The following FOXK1 variants were observed in gnomAD, a reference collection of about 807,000 sequenced individuals.
FOXK1 encodes forkhead box protein K1.
FOXK1 carries 19 observed loss-of-function variants against 51.9 expected under a neutral mutation model. The observed-to-expected ratio is 0.37, with a 90% CI of 0.26 to 0.54. The LOEUF is 0.54. Among genes scored for constraint, FOXK1 ranks in the 20% least tolerant of loss-of-function variants. The pLI is 0.87. For synonymous variants in FOXK1, 537 were observed against 482.6 expected, an observed-to-expected ratio of 1.11 and a Z score of -1.48; for missense variants, 870 against 1,032.7, an observed-to-expected ratio of 0.84 and a Z score of 2.16.
chr7:4,715,633 T>C lies in FOXK1; in HGVS notation c.561-25205T>C, dbSNP rs753852485. Among the ~76,000 whole-genome samples, 1 of 152,208 alleles carries C rather than the reference T, an allele frequency of 6.6e-6. No homozygotes were observed. The highest frequency in any genetic ancestry group is 1.5e-5 in the Non-Finnish European group (1 of 68,038). Reference sequence around the variant, plus strand: ...TGAAATACGGAACTTGGCGAGTTCTTGCGGCCATCCCTTTTGTTCCCTGCT... The same window carrying C: ...TGAAATACGGAACTTGGCGAGTTCTCGCGGCCATCCCTTTTGTTCCCTGCT... On this transcript the variant is annotated intron_variant, in intron 1 of 8. Transcript: ENST00000328914. The surrounding 1 kb of genome is among the most constrained non-coding windows in gnomAD (Gnocchi z 4.5).
At chr7:4,718,305 G>A (rs1287197353) in intron 1 of FOXK1, among the ~76,000 whole-genome samples, 3 of 152,192 alleles carry the variant, frequency 2.0e-5, no homozygotes, top group Non-Finnish European at 2.9e-5. Flanking sequence ...TGGCGGCCAC[G>A]CAGCCATTGT....
intron 1 of FOXK1, among the ~76,000 whole-genome samples, chr7:4,691,155 C>A (rs1779886455): frequency 6.6e-6 from 1 of 152,298 alleles, no homozygotes; most frequent in African/African-American, 2.4e-5. Flanking sequence ...AACCAGGGTT[C>A]AAGAACTCGC....
chr7:4,731,061 C>G lies in FOXK1; in HGVS notation c.561-9777C>G, dbSNP rs1288085173. ...TTTCTCGGAGGAGTTTAAGCAAACACTGCAGGGCCTCCGGCATTCCAGTTT... is the reference window on the plus strand; with the variant it reads ...TTTCTCGGAGGAGTTTAAGCAAACAGTGCAGGGCCTCCGGCATTCCAGTTT... On this transcript the variant is annotated intron_variant, in intron 1 of 8. Transcript: ENST00000328914. The surrounding 1 kb of genome is among the most constrained non-coding windows in gnomAD (Gnocchi z 5.3). Among the ~76,000 whole-genome samples the G allele has an allele frequency of 1.3e-5, 2 of 152,310 alleles. No individual in the cohort carries two copies. The highest frequency in any genetic ancestry group is 1.9e-4 in the East Asian group (1 of 5,172).
In FOXK1 at chr7:4,735,482, C is replaced by T. The variant is rs1438899911; in HGVS notation, c.561-5356C>T. 6.6e-6 allele frequency among the ~76,000 whole-genome samples: 1 copy of T among 152,148 alleles called. No individual in the cohort carries two copies. On this transcript the variant is annotated intron_variant, in intron 1 of 8. Coordinates refer to ENST00000328914, the MANE Select transcript of FOXK1 (RefSeq NM_001037165.2). This position sits in a 1 kb window ranked among gnomAD's most constrained non-coding sequence, Gnocchi z 4.7. The stretch of plus-strand genomic sequence containing the variant: ...ACATTTTCCTGACTCTAGAAAGAAC[C>T]CCCTAGCTCTTAGTCATTCTCCGTC...
rs146368700 is a variant in FOXK1 at position 4,721,572 on chromosome 7, T to C, written c.561-19266T>C. On this transcript the variant is annotated intron_variant, in intron 1 of 8. Transcript: ENST00000328914. ...GCAGCCTAAGAAGGACTTTTCTCTT[T>C]TCTTTTTCTTTTTTTTCTTTTTTTT... Among the ~76,000 whole-genome samples the C allele has an allele frequency of 1.4e-3, 209 of 149,146 alleles. 1 individual carries two copies. The highest frequency in any genetic ancestry group is 5.2e-3 in the African/African-American group (205 of 39,514).
chr7:4,686,994 G>A (rs1299707434), intron 1 of FOXK1, among the ~76,000 whole-genome samples: 2 of 150,658 alleles, frequency 1.3e-5, no homozygotes, highest in Non-Finnish European at 2.9e-5. Flanking sequence ...GTGCAGTGGC[G>A]CGAACTTGGC....
Position 4,683,130 on chromosome 7 carries a change from T to G in FOXK1, c.560+262T>G, listed in dbSNP as rs1464185784. 6.7e-6 allele frequency among the ~76,000 whole-genome samples: 1 copy of G among 149,272 alleles called. No homozygotes were observed. The highest frequency in any genetic ancestry group is 1.5e-5 in the Non-Finnish European group (1 of 67,316). On this transcript the variant is annotated intron_variant, in intron 1 of 8. Transcript: ENST00000328914. The surrounding 1 kb of genome is among the most constrained non-coding windows in gnomAD (Gnocchi z 4.5). ...CACTTTCCCCGGTCTGGATACCCCGTCGCCCCCGACCCCCACCGGCCTGGA... is the reference window on the plus strand; with the variant it reads ...CACTTTCCCCGGTCTGGATACCCCGGCGCCCCCGACCCCCACCGGCCTGGA...
chr7:4,748,444 C>G lies in FOXK1; in HGVS notation c.747-6015C>G, dbSNP rs928706999. 6.6e-6 allele frequency among the ~76,000 whole-genome samples: 1 copy of G among 152,138 alleles called. No homozygotes were observed. The highest frequency in any genetic ancestry group is 2.4e-5 in the African/African-American group (1 of 41,428). ...ATTGTAGCGCTTAGCCATTTCCTTC[C>G]TTGTACTTTTGGCTTATTTCCGCCA... On this transcript the variant is annotated intron_variant, in intron 2 of 8. Coordinates refer to ENST00000328914, the MANE Select transcript of FOXK1 (RefSeq NM_001037165.2). This position sits in a 1 kb window ranked among gnomAD's most constrained non-coding sequence, Gnocchi z 4.9.
At position 4,715,304 on chromosome 7, in the gene FOXK1, G is replaced by T. The variant is rs1473749608; in HGVS notation, c.561-25534G>T. On this transcript the variant is annotated intron_variant, in intron 1 of 8. Transcript: ENST00000328914. The surrounding 1 kb of genome is among the most constrained non-coding windows in gnomAD (Gnocchi z 4.5). ...AGATCGTAAGTCATGGCTTCAGTTT[G>T]CTGGCAAAGTGTGTCTCAGAGTGAA... 2.6e-5 allele frequency among the ~76,000 whole-genome samples: 4 copies of T among 152,106 alleles called. No individual in the cohort carries two copies. The East Asian group carries it at 7.7e-4, about 29-fold the overall frequency.
rs113088121 is a variant in FOXK1 at position 4,764,158 on chromosome 7, G to C, written c.*1694G>C. On this transcript the variant is annotated 3_prime_UTR_variant, in exon 9 of 9. Transcript: ENST00000328914. ...TCCGAGGCAGTGCGGGAGGACACAC[G>C]TGCTGTGCAGTGGAGTGGGGTCGCC... 2,969 of 153,190 alleles carry C rather than the reference G, an allele frequency of 0.019. 106 individuals carry two copies. The highest frequency in any genetic ancestry group is 0.065 in the African/African-American group (2,717 of 41,588). 9.5% of individuals were successfully genotyped at this position (153,190 alleles called of 1,614,324 possible).
chr7:4,728,633 A>G (rs1244318578), intron 1 of FOXK1, among the ~76,000 whole-genome samples: 2 of 146,472 alleles, frequency 1.4e-5, no homozygotes, highest in African/African-American at 2.5e-5. Flanking sequence ...GTGCAAGCCT[A>G]TACTTCTGGC....
chr7:4,700,344 T>TAA (rs1302611961), intron 1 of FOXK1, among the ~76,000 whole-genome samples: 5 of 152,190 alleles, frequency 3.3e-5, no homozygotes, highest in Non-Finnish European at 7.3e-5. Flanking sequence ...TAACCTGGTG[T>TAA]AAGAAAGTGA....
rs1056661710 is a variant in FOXK1, at chr7:4,707,241, C to T, written c.560+24373C>T. 3.3e-5 allele frequency among the ~76,000 whole-genome samples: 5 copies of T among 152,006 alleles called. No individual in the cohort carries two copies. Among genetic ancestry groups the T allele is most frequent in the Non-Finnish European group, 7.4e-5 (5 of 68,004 alleles). ...AGAGGTGCGGGGAGCTCAGGGCGTT[C>T]GGGGTGGTGTTCTGGTGGAGGGGAC... is the stretch of plus-strand genomic sequence containing the variant. On this transcript the variant is annotated intron_variant, in intron 1 of 8. Coordinates refer to ENST00000328914, the MANE Select transcript of FOXK1 (RefSeq NM_001037165.2). This position sits in a 1 kb window ranked among gnomAD's most constrained non-coding sequence, Gnocchi z 4.1.
chr7:4,729,709 G>A lies in FOXK1; in HGVS notation c.561-11129G>A, dbSNP rs569884225. On this transcript the variant is annotated intron_variant, in intron 1 of 8. Transcript: ENST00000328914. This position sits in a 1 kb window ranked among gnomAD's most constrained non-coding sequence, Gnocchi z 6.2. ...ACTTCAGCTTCAAAAAGAAACCCTG[G>A]CCGGGTGCAGCAGCTCACGCCTGTA... Among the ~76,000 whole-genome samples the A allele has an allele frequency of 1.4e-4, 22 of 152,316 alleles. No homozygotes were observed. The highest frequency in any genetic ancestry group is 4.1e-4 in the African/African-American group (17 of 41,574).
Position 4,747,145 on chromosome 7 carries a change from G to A in FOXK1, c.746+6122G>A, listed in dbSNP as rs1780713382. On this transcript the variant is annotated intron_variant, in intron 2 of 8. Coordinates refer to ENST00000328914, the MANE Select transcript of FOXK1 (RefSeq NM_001037165.2). This position sits in a 1 kb window ranked among gnomAD's most constrained non-coding sequence, Gnocchi z 9.2. The stretch of plus-strand genomic sequence containing the variant: ...GGACATCCCCACGCCCGCGTTTCCT[G>A]TAATCTCGGAGGGTCCTAGCGCCCG... 6.6e-6 allele frequency among the ~76,000 whole-genome samples: 1 copy of A among 152,214 alleles called. No homozygotes were observed. Among genetic ancestry groups the A allele is most frequent in the Non-Finnish European group, 1.5e-5 (1 of 68,046 alleles).
In FOXK1 at chr7:4,722,496, C is replaced by T. The variant is rs1263906886; in HGVS notation, c.561-18342C>T. On this transcript the variant is annotated intron_variant, in intron 1 of 8. Coordinates refer to ENST00000328914, the MANE Select transcript of FOXK1 (RefSeq NM_001037165.2). This position sits in a 1 kb window ranked among gnomAD's most constrained non-coding sequence, Gnocchi z 5.1. The stretch of plus-strand genomic sequence containing the variant: ...CGGCAGGGCAGTGGGCTGCTCAGCA[C>T]CAGTGGCCTCAGCCCAGTGCCAGCG... 1.3e-5 allele frequency among the ~76,000 whole-genome samples: 2 copies of T among 152,180 alleles called. No individual in the cohort carries two copies. The highest frequency in any genetic ancestry group is 2.4e-5 in the African/African-American group (1 of 41,448).
At position 4,715,677 on chromosome 7, in the gene FOXK1, C is replaced by T. The variant is rs1354136909; in HGVS notation, c.561-25161C>T. Among the ~76,000 whole-genome samples, 1 of 152,184 alleles carries T rather than the reference C, an allele frequency of 6.6e-6. No homozygotes were observed. Among genetic ancestry groups the T allele is most frequent in the Non-Finnish European group, 1.5e-5 (1 of 68,044 alleles). ...CCCTGCTGTGACTGACTGGCAGGAACCTGGGCTTGTCAAGTCAGTCTGTAG... is the reference window on the plus strand; with the variant it reads ...CCCTGCTGTGACTGACTGGCAGGAATCTGGGCTTGTCAAGTCAGTCTGTAG... On this transcript the variant is annotated intron_variant, in intron 1 of 8. Coordinates refer to ENST00000328914, the MANE Select transcript of FOXK1 (RefSeq NM_001037165.2). The surrounding 1 kb of genome is among the most constrained non-coding windows in gnomAD (Gnocchi z 4.5).
intron 1 of FOXK1, 81 bp from the exon 2 acceptor site, chr7:4,740,757 A>G: frequency 7.1e-7 from 1 of 1,413,080 alleles, no homozygotes; most frequent in Non-Finnish European, 9.6e-7. Context: ...ACTTAGACAC[A>G]CAGACACGCA....
intron 1 of FOXK1, among the ~76,000 whole-genome samples, chr7:4,721,593 T>TTC (rs1554251370): frequency 7.0e-6 from 1 of 142,442 alleles, no homozygotes; most frequent in African/African-American, 2.6e-5. Flanking sequence ...TTTTTTCTTT[T>TTC]TTTTTTTTTT....
Sources: gnomAD v4.1 joint callset for allele counts (sites outside exome capture counted in the v4.1 genomes callset) on GRCh38, gnomAD v4.1.1 for gene constraint, Gnocchi (gnomAD v3.1) non-coding constraint, MANE v1.5 for transcripts, NCBI Gene and HGNC (gene_info 2026-07-23, HGNC 2026-07-21) for gene names.